PLEKHM3: variants seen among roughly 807,000 people sequenced by gnomAD.
The protein encoded by PLEKHM3 is pleckstrin homology domain-containing family M member 3.
A neutral mutation model predicts 81.8 loss-of-function variants in PLEKHM3; 45 were observed. The ratio of observed to expected loss-of-function variants is 0.55; its 90% confidence interval spans 0.43 to 0.71. PLEKHM3 has a LOEUF of 0.71. Ranked by LOEUF, PLEKHM3 falls within the 30% of genes least tolerant of loss-of-function variation. The pLI is 0.00. For missense variants in PLEKHM3, 788 were observed against 924.3 expected, an observed-to-expected ratio of 0.85 and a Z score of 1.91; for synonymous variants, 352 against 356.4, an observed-to-expected ratio of 0.99 and a Z score of 0.14.
In PLEKHM3 at chr2:207,964,496, G is replaced by C. The variant is rs115917906; in HGVS notation, c.1546+12155C>G. ...CCCATGACAGGATTCCATGAGAGTGGAGGGAGGGAGGCTGCAAAGGAGAAA... is the reference window on the plus strand; with the variant it reads ...CCCATGACAGGATTCCATGAGAGTGCAGGGAGGGAGGCTGCAAAGGAGAAA... On this transcript the variant is annotated intron_variant, in intron 3 of 7. Coordinates refer to ENST00000427836, the MANE Select transcript of PLEKHM3 (RefSeq NM_001080475.3). 7.2e-3 allele frequency among the ~76,000 whole-genome samples: 1,096 copies of C among 152,278 alleles called. 17 individuals carry two copies. Among genetic ancestry groups the C allele is most frequent in the African/African-American group, 0.025 (1,036 of 41,558 alleles).
At chr2:207,917,276 C>CG (rs1689023959) in intron 5 of PLEKHM3, among the ~76,000 whole-genome samples, 1 of 152,178 alleles carries the variant, frequency 6.6e-6, no homozygotes, top group African/African-American at 2.4e-5. Context: ...CCACAAAATT[C>CG]GGGTAACCTT....
intron 6 of PLEKHM3, among the ~76,000 whole-genome samples, chr2:207,882,125 A>G (rs2092594673): frequency 6.6e-6 from 1 of 152,228 alleles, no homozygotes; most frequent in South Asian, 2.1e-4. Flanking sequence ...CATAGGAAAC[A>G]GTGCCAAATG....
At chr2:207,934,700 A>G (rs990330440) in intron 4 of PLEKHM3, among the ~76,000 whole-genome samples, 1 of 152,244 alleles carries the variant, frequency 6.6e-6, no homozygotes, top group African/African-American at 2.4e-5. Flanking sequence ...GTAAAATCAC[A>G]TTATGATTAG....
At chr2:207,916,537 C>T (rs1688998496) in intron 5 of PLEKHM3, among the ~76,000 whole-genome samples, 1 of 151,974 alleles carries the variant, frequency 6.6e-6, no homozygotes, top group South Asian at 2.1e-4. Flanking sequence ...GTCAGGAGTT[C>T]GAGACCACTC....
At chr2:207,896,467 T>C (rs1460146425) in intron 6 of PLEKHM3, among the ~76,000 whole-genome samples, 1 of 152,196 alleles carries the variant, frequency 6.6e-6, no homozygotes, top group Non-Finnish European at 1.5e-5. Context: ...AAACTCAGCT[T>C]TTACAAAGTG....
intron 2 of PLEKHM3, among the ~76,000 whole-genome samples, chr2:207,998,249 A>G (rs1032850674): frequency 2.0e-5 from 3 of 152,208 alleles, no homozygotes; most frequent in Non-Finnish European, 4.4e-5. Context: ...CACGCCTGTA[A>G]CCCCAACAGT....
intron 5 of PLEKHM3, among the ~76,000 whole-genome samples, chr2:207,918,946 A>C (rs16840172): frequency 0.023 from 3,484 of 152,276 alleles, 122 homozygotes; most frequent in African/African-American, 0.077. Flanking sequence ...CAGACAAAAT[A>C]AAATACCATG....
At chr2:207,878,621 A>C (rs546682746) in intron 6 of PLEKHM3, among the ~76,000 whole-genome samples, 1 of 152,212 alleles carries the variant, frequency 6.6e-6, no homozygotes. Flanking sequence ...ACAAACAAAC[A>C]AAACTATTAT....
At chr2:208,016,086 C>T (rs1413666421) in intron 1 of PLEKHM3, among the ~76,000 whole-genome samples, 3 of 151,842 alleles carry the variant, frequency 2.0e-5, no homozygotes, top group Non-Finnish European at 4.4e-5. Context: ...CGCAGCTACT[C>T]GGGAGGCTGA....
At chr2:207,921,229 C>T (rs914830302) in intron 5 of PLEKHM3, among the ~76,000 whole-genome samples, 2 of 151,948 alleles carry the variant, frequency 1.3e-5, no homozygotes, top group East Asian at 1.9e-4. Flanking sequence ...TTGTATTTTT[C>T]GCAGAGACGG....
chr2:207,879,307 ATCT>A (rs2092574821), intron 6 of PLEKHM3, among the ~76,000 whole-genome samples: 1 of 152,190 alleles, frequency 6.6e-6, no homozygotes, highest in South Asian at 2.1e-4. Context: ...ACTCTTTCAC[ATCT>A]GGCTCAAATG....
intron 1 of PLEKHM3, among the ~76,000 whole-genome samples, chr2:208,014,261 G>A (rs1002527942): frequency 2.0e-5 from 3 of 152,214 alleles, no homozygotes; most frequent in African/African-American, 7.2e-5. Flanking sequence ...ATGAGTCTTT[G>A]TCATTTAACT....
At chr2:207,938,568 A>T (rs1689837285) in intron 4 of PLEKHM3, among the ~76,000 whole-genome samples, 1 of 152,226 alleles carries the variant, frequency 6.6e-6, no homozygotes, top group Non-Finnish European at 1.5e-5. Context: ...AGGAGAATTA[A>T]GTTAAATCCT....
At chr2:207,916,088 CATGTGGAAGAAACAAGCTTCA>C (rs1172631278) in intron 5 of PLEKHM3, among the ~76,000 whole-genome samples, 1 of 152,162 alleles carries the variant, frequency 6.6e-6, no homozygotes, top group African/African-American at 2.4e-5. Context: ...GATAGCAGCC[CATGTGGAAGAAACAAGCTTCA>C]ATCACTTCTC....
rs1165624158 is a variant in PLEKHM3 at position 207,830,676 on chromosome 2, AGAAGAAG to A, written c.2109-2187_2109-2181del. Among the ~76,000 whole-genome samples the A allele has an allele frequency of 2.0e-5, 3 of 148,196 alleles. No individual in the cohort carries two copies. In the East Asian group the frequency reaches 5.9e-4, roughly 29 times the overall value. On this transcript the variant is annotated intron_variant, in intron 7 of 7. Transcript: ENST00000427836. ...CTGATCCAAGCTCATAAGTGTCCTT[AGAAGAAG>A]GACACTTCTTCTAAGTGTCCTTAGA...
At chr2:207,947,068 C>T (rs1690157552) in intron 3 of PLEKHM3, among the ~76,000 whole-genome samples, 1 of 152,162 alleles carries the variant, frequency 6.6e-6, no homozygotes, top group South Asian at 2.1e-4. Flanking sequence ...TGTTATGTAG[C>T]CTTCCTTTGC....
Position 207,976,612 on chromosome 2 carries a change from G to A in PLEKHM3, c.1546+39C>T. On this transcript the variant is annotated intron_variant, in intron 3 of 7. Coordinates refer to ENST00000427836, the MANE Select transcript of PLEKHM3 (RefSeq NM_001080475.3). The surrounding 1 kb of genome is among the most constrained non-coding windows in gnomAD (Gnocchi z 4.1). Reference sequence around the variant, plus strand: ...AATTCCAATTGTGGGGTTCAGGATTGTTCTTTAATGAGCTATAGGCTGAAA... The same window carrying A: ...AATTCCAATTGTGGGGTTCAGGATTATTCTTTAATGAGCTATAGGCTGAAA... 8.3e-6 allele frequency: 13 copies of A among 1,565,042 alleles called. No homozygotes were observed. Among genetic ancestry groups the A allele is most frequent in the Non-Finnish European group, 1.0e-5 (12 of 1,151,318 alleles).
chr2:207,882,519 G>A (rs1469455543), intron 6 of PLEKHM3, among the ~76,000 whole-genome samples: 1 of 151,146 alleles, frequency 6.6e-6, no homozygotes, highest in Non-Finnish European at 1.5e-5. Context: ...GGCTGAGGCA[G>A]GAGAATCACT....
rs1265709425 is a variant in PLEKHM3 at position 207,825,902 on chromosome 2, C to A, written c.*2417G>T. ...CAGGGACTGCTCGTATTTAGCAGGGCCCTCTAAATGGGGACTGGTGAAAAC... is the reference window on the plus strand; with the variant it reads ...CAGGGACTGCTCGTATTTAGCAGGGACCTCTAAATGGGGACTGGTGAAAAC... On this transcript the variant is annotated 3_prime_UTR_variant, in exon 8 of 8. Coordinates refer to ENST00000427836, the MANE Select transcript of PLEKHM3 (RefSeq NM_001080475.3). 1 of 152,156 alleles carries A rather than the reference C, an allele frequency of 6.6e-6. No homozygotes were observed. Among genetic ancestry groups the A allele is most frequent in the Non-Finnish European group, 1.5e-5 (1 of 68,036 alleles). The allele number at this position is 152,156 out of a possible 1,614,324, so 9.4% of individuals were successfully genotyped here.
Sources: gnomAD v4.1 joint callset for allele counts (sites outside exome capture counted in the v4.1 genomes callset) on GRCh38, gnomAD v4.1.1 for gene constraint, Gnocchi (gnomAD v3.1) non-coding constraint, MANE v1.5 for transcripts, NCBI Gene and HGNC (gene_info 2026-07-23, HGNC 2026-07-21) for gene names.